The following KIF6 variants were observed in gnomAD, a reference collection of about 807,000 sequenced individuals.
The protein encoded by KIF6 is kinesin-like protein KIF6.
A neutral mutation model predicts 112.7 loss-of-function variants in KIF6; 106 were observed. The observed-to-expected ratio is 0.94, with a 90% confidence interval of 0.80 to 1.11. The LOEUF (loss-of-function observed/expected upper bound fraction) is 1.11, where lower values mean the gene tolerates loss of function less well. Among genes scored for constraint, KIF6 ranks in the 50% least tolerant of loss-of-function variants. The pLI, the probability that KIF6 is intolerant of heterozygous loss-of-function variation, is 0.00. For synonymous variants in KIF6, 339 were observed against 339.9 expected (o/e 1.00, Z 0.03); for missense variants, 929 against 964.0 (o/e 0.96, Z 0.48).
intron 15 of KIF6, among the ~76,000 whole-genome samples, chr6:39,397,752 C>T (rs756211923): frequency 7.2e-5 from 9 of 125,070 alleles, no homozygotes; most frequent in Non-Finnish European, 1.6e-4. Flanking sequence ...AGCTGCAGTA[C>T]ACATGGCCCG....
chr6:39,487,607 C>T lies in KIF6; in HGVS notation c.1645+52396G>A, dbSNP rs940526559. Among the ~76,000 whole-genome samples, 4 of 151,886 alleles carry T rather than the reference C, an allele frequency of 2.6e-5. 1 individual carries two copies. Among genetic ancestry groups the T allele is most frequent in the South Asian group, 4.2e-4 (2 of 4,800 alleles). ...TCCCTACAATTATTTTTGTTCCAGA[C>T]GAGGTAAGAAATATACAGAGTATTA... On this transcript the variant is annotated intron_variant, in intron 13 of 22. Transcript: ENST00000287152.
rs775275723 is a variant in KIF6, at chr6:39,376,647, TG to T, written c.1861+8974del. On this transcript the variant is annotated intron_variant, in intron 16 of 22. Coordinates refer to ENST00000287152, the MANE Select transcript of KIF6 (RefSeq NM_145027.6). Reference sequence around the variant, plus strand: ...TGGTGTTGGGGAAAGAAAGACAATCTGTCCAGTGTGGGAGACACAGACTAAT... The same window carrying T: ...TGGTGTTGGGGAAAGAAAGACAATCTTCCAGTGTGGGAGACACAGACTAAT... 1.7e-3 allele frequency among the ~76,000 whole-genome samples: 260 copies of T among 152,352 alleles called. 6 individuals carry two copies. The highest frequency in any genetic ancestry group is 1.7e-3 in the Non-Finnish European group (119 of 68,034).
chr6:39,336,471 C>T lies in KIF6; in HGVS notation c.*61G>A. The T allele has an allele frequency of 1.3e-6, 2 of 1,538,464 alleles. No individual in the cohort carries two copies. The highest frequency in any genetic ancestry group is 1.1e-5 in the South Asian group (1 of 89,432). ...CTGAAGCCAGAGCAAGTGAGGGGCG[C>T]TGCCTTCATCTGTGCTTCATTCTTG... On this transcript the variant is annotated 3_prime_UTR_variant, in exon 23 of 23. Coordinates refer to ENST00000287152, the MANE Select transcript of KIF6 (RefSeq NM_145027.6).
At chr6:39,698,529 G>C (rs1193196549) in intron 3 of KIF6, among the ~76,000 whole-genome samples, 1 of 152,174 alleles carries the variant, frequency 6.6e-6, no homozygotes, top group East Asian at 1.9e-4. Context: ...CAGAGCCATA[G>C]ATGAAGAATA....
rs555187790 is a variant in KIF6, at chr6:39,686,060, G to A, written c.251+28632C>T. 8.5e-5 allele frequency among the ~76,000 whole-genome samples: 13 copies of A among 152,200 alleles called. No homozygotes were observed. In the South Asian group the frequency reaches 1.0e-3, roughly 12 times the overall value. The stretch of plus-strand genomic sequence containing the variant: ...GTTGGATTTTAAACCATCTCTGTAC[G>A]TAAATATATCTTCTTATTTGGATGG... On this transcript the variant is annotated intron_variant, in intron 3 of 22. Transcript: ENST00000287152.
chr6:39,455,003 T>G (rs1311457203), intron 13 of KIF6, among the ~76,000 whole-genome samples: 1 of 150,266 alleles, frequency 6.7e-6, no homozygotes, highest in Admixed American at 6.6e-5. Context: ...AAGCTCGAAC[T>G]GGGTGGAGCC....
chr6:39,467,324 G>T (rs1773852392), intron 13 of KIF6, among the ~76,000 whole-genome samples: 1 of 152,162 alleles, frequency 6.6e-6, no homozygotes, highest in Non-Finnish European at 1.5e-5. Context: ...TCAAAGAATG[G>T]CCTCAAAGAC....
At chr6:39,475,275 C>A (rs1161369601) in intron 13 of KIF6, among the ~76,000 whole-genome samples, 4 of 152,168 alleles carry the variant, frequency 2.6e-5, no homozygotes, top group Non-Finnish European at 5.9e-5. Context: ...ACAATGAACA[C>A]AGATGTATTA....
At chr6:39,715,885 G>A (rs928117000) in intron 2 of KIF6, among the ~76,000 whole-genome samples, 6 of 152,136 alleles carry the variant, frequency 3.9e-5, no homozygotes, top group African/African-American at 1.4e-4. Flanking sequence ...CTTCAGATAT[G>A]AACACCAACA....
At chr6:39,543,078 A>G (rs974833393) in intron 12 of KIF6, among the ~76,000 whole-genome samples, 3 of 152,216 alleles carry the variant, frequency 2.0e-5, no homozygotes, top group African/African-American at 7.2e-5. Context: ...TTTTAAAAAT[A>G]AACATATAGG....
At chr6:39,692,060 C>G (rs1350897133) in intron 3 of KIF6, among the ~76,000 whole-genome samples, 1 of 152,294 alleles carries the variant, frequency 6.6e-6, no homozygotes, top group East Asian at 1.9e-4. Flanking sequence ...ACATAGATTT[C>G]TTCACCTGAA....
At chr6:39,703,904 C>T (rs302596) in intron 3 of KIF6, among the ~76,000 whole-genome samples, 131,989 of 152,204 alleles carry the variant, frequency 0.87, 57,529 homozygotes, top group East Asian at 0.97. Flanking sequence ...CACCTTGCTT[C>T]CTACTTGTGT....
intron 21 of KIF6, among the ~76,000 whole-genome samples, chr6:39,344,477 G>A (rs534509275): frequency 9.3e-4 from 141 of 152,240 alleles, no homozygotes; most frequent in African/African-American, 3.2e-3. Flanking sequence ...CCCGGGTCAG[G>A]GGCTCCAGCT....
chr6:39,391,360 T>C (rs1009497757), intron 15 of KIF6, among the ~76,000 whole-genome samples: 6 of 152,088 alleles, frequency 3.9e-5, no homozygotes, highest in African/African-American at 1.2e-4. Context: ...ACCCAATCTG[T>C]GAGTGAAAGG....
At chr6:39,523,858 A>T (rs1402247845) in intron 13 of KIF6, among the ~76,000 whole-genome samples, 2 of 151,568 alleles carry the variant, frequency 1.3e-5, no homozygotes, top group Non-Finnish European at 2.9e-5. Flanking sequence ...TGACACAGGT[A>T]CTGGGTCTCA....
intron 19 of KIF6, among the ~76,000 whole-genome samples, chr6:39,355,753 C>T (rs957920604): frequency 6.6e-5 from 10 of 151,056 alleles, no homozygotes; most frequent in South Asian, 4.2e-4. Flanking sequence ...TGAGCCACCA[C>T]GCCTGGACAA....
At chr6:39,639,552 C>T in intron 4 of KIF6, 58 bp downstream of exon 4, 1 of 1,320,922 alleles carries the variant, frequency 7.6e-7, no homozygotes. Flanking sequence ...TTCCTGCTTT[C>T]AGTATATTTT....
intron 10 of KIF6, among the ~76,000 whole-genome samples, chr6:39,558,072 A>G (rs2150590655): frequency 6.6e-6 from 1 of 151,992 alleles, no homozygotes; most frequent in Middle Eastern, 3.4e-3. Context: ...GTAAAATTCT[A>G]AAATATATTA....
intron 13 of KIF6, among the ~76,000 whole-genome samples, chr6:39,491,553 C>T (rs553971035): frequency 1.3e-5 from 2 of 152,202 alleles, no homozygotes; most frequent in Admixed American, 6.5e-5. Flanking sequence ...AGCAGATTTC[C>T]GTACTTTTGG....
Sources: gnomAD v4.1 joint callset for allele counts (sites outside exome capture counted in the v4.1 genomes callset) on GRCh38, gnomAD v4.1.1 for gene constraint, MANE v1.5 for transcripts, NCBI Gene and HGNC (gene_info 2026-07-23, HGNC 2026-07-21) for gene names.